Variants in TBC1D14 observed in about 807,000 individuals in gnomAD.
TBC1D14 encodes the protein TBC1 domain family, member 14.
Under a neutral mutation model 79.0 loss-of-function variants are expected in TBC1D14, and 26 were observed. That is an observed-to-expected ratio of 0.33 (90% CI 0.24 to 0.46). The LOEUF is 0.46. TBC1D14 is among the 20% of genes least tolerant of loss of function. The pLI, the probability that TBC1D14 is intolerant of heterozygous loss-of-function variation, is 1.00. For missense variants in TBC1D14, 769 were observed against 887.6 expected, an observed-to-expected ratio of 0.87 and a Z score of 1.70; for synonymous variants, 394 against 349.9, an observed-to-expected ratio of 1.13 and a Z score of -1.40.
At position 7,029,339 on chromosome 4, in the gene TBC1D14, G is replaced by A. The variant is rs186375880; in HGVS notation, c.2017-988G>A. ...AGCACTGTGTTACCAAGATTCTCTT[G>A]GTTTCACCCTTGGACTTTGAGCACG... On this transcript the variant is annotated intron_variant, in intron 13 of 13. Transcript: ENST00000409757. Among the ~76,000 whole-genome samples, 4 of 152,324 alleles carry A rather than the reference G, an allele frequency of 2.6e-5. No homozygotes were observed. In the East Asian group the frequency reaches 5.8e-4, roughly 22 times the overall value.
chr4:6,943,240 G>T (rs1713084440), intron 2 of TBC1D14, among the ~76,000 whole-genome samples: 1 of 152,174 alleles, frequency 6.6e-6, no homozygotes, highest in Non-Finnish European at 1.5e-5. Flanking sequence ...CTACCTGTGA[G>T]GGAAGCCAGG....
intron 3 of TBC1D14, among the ~76,000 whole-genome samples, chr4:6,977,951 GAC>G (rs1272532364): frequency 6.7e-6 from 1 of 149,844 alleles, no homozygotes; most frequent in Non-Finnish European, 1.5e-5. Context: ...GAAGTGAGGA[GAC>G]CCTCTGCCTG....
chr4:6,978,163 A>G (rs1476844850), intron 3 of TBC1D14, among the ~76,000 whole-genome samples: 4 of 145,002 alleles, frequency 2.8e-5, no homozygotes, highest in African/African-American at 1.1e-4. Flanking sequence ...CCGGGAGGTG[A>G]GGGGCGCCTC....
At chr4:6,985,137 A>G (rs1717710360) in intron 3 of TBC1D14, among the ~76,000 whole-genome samples, 1 of 152,242 alleles carries the variant, frequency 6.6e-6, no homozygotes, top group Non-Finnish European at 1.5e-5. Context: ...CAGTATTATG[A>G]CATCTTACTG....
intron 1 of TBC1D14, among the ~76,000 whole-genome samples, chr4:6,919,832 G>T (rs1248945374): frequency 1.3e-5 from 2 of 152,104 alleles, no homozygotes; most frequent in Admixed American, 6.5e-5. Flanking sequence ...TGTTGGTCAG[G>T]CTGGTCTCAA....
At chr4:6,932,330 G>A (rs181137084) in intron 2 of TBC1D14, among the ~76,000 whole-genome samples, 36 of 150,770 alleles carry the variant, frequency 2.4e-4, no homozygotes, top group East Asian at 1.8e-3. Context: ...CAAGATCGCC[G>A]CCACTGCACG....
At chr4:6,929,077 G>A (rs988528613) in intron 2 of TBC1D14, among the ~76,000 whole-genome samples, 2 of 152,196 alleles carry the variant, frequency 1.3e-5, no homozygotes, top group African/African-American at 4.8e-5. Flanking sequence ...GATGGCACCT[G>A]CTATGGACCT....
chr4:6,979,654 AT>A (rs1267661623), intron 3 of TBC1D14, among the ~76,000 whole-genome samples: 1 of 152,196 alleles, frequency 6.6e-6, no homozygotes, highest in African/African-American at 2.4e-5. Flanking sequence ...AACTATGTAT[AT>A]GTTGTCTGCA....
intron 1 of TBC1D14, among the ~76,000 whole-genome samples, chr4:6,912,852 G>C (rs567439663): frequency 6.6e-6 from 1 of 152,196 alleles, no homozygotes; most frequent in Non-Finnish European, 1.5e-5. Flanking sequence ...ACCAAGGCTC[G>C]GGGAAGTTAA....
At chr4:6,922,391 C>CT (rs1193144550) in intron 1 of TBC1D14, among the ~76,000 whole-genome samples, 2 of 152,298 alleles carry the variant, frequency 1.3e-5, no homozygotes, top group East Asian at 3.9e-4. Flanking sequence ...TAAACCAAGC[C>CT]TTTCTAACCT....
At chr4:7,003,962 C>T (rs1040936132) in intron 7 of TBC1D14, among the ~76,000 whole-genome samples, 6 of 152,138 alleles carry the variant, frequency 3.9e-5, no homozygotes, top group African/African-American at 7.2e-5. Flanking sequence ...GCCAAGATTG[C>T]GCCACTGCAC....
At chr4:7,027,803 T>C (rs552430861) in intron 13 of TBC1D14, among the ~76,000 whole-genome samples, 3 of 107,164 alleles carry the variant, frequency 2.8e-5, no homozygotes, top group Non-Finnish European at 5.4e-5. Context: ...CCCCTACACA[T>C]ATCACACACC....
In TBC1D14 at chr4:6,937,004, G is replaced by A. The variant is rs146670606; in HGVS notation, c.722+12893G>A. 9.4e-3 allele frequency among the ~76,000 whole-genome samples: 1,427 copies of A among 152,102 alleles called. 35 individuals carry two copies. Among genetic ancestry groups the A allele is most frequent in the African/African-American group, 0.032 (1,340 of 41,496 alleles). The stretch of plus-strand genomic sequence containing the variant: ...ACGATCTCGGCTCACCGCAACCTCC[G>A]CCTTCCGGGTTCAAGCGATTCTCCT... On this transcript the variant is annotated intron_variant, in intron 2 of 13. Coordinates refer to ENST00000409757, the MANE Select transcript of TBC1D14 (RefSeq NM_020773.3).
In TBC1D14 at chr4:7,015,751, G is replaced by A. The variant is rs571533003; in HGVS notation, c.1757+1194G>A. 5.3e-5 allele frequency among the ~76,000 whole-genome samples: 8 copies of A among 152,272 alleles called. No individual in the cohort carries two copies. In the East Asian group the frequency reaches 1.2e-3, roughly 22 times the overall value. On this transcript the variant is annotated intron_variant, in intron 12 of 13. Coordinates refer to ENST00000409757, the MANE Select transcript of TBC1D14 (RefSeq NM_020773.3). ...CCCAAACCCAGCTTCTCCCATTATT[G>A]CCTTGTGGTCTTGGGGAAGGCTGTG...
At chr4:7,008,275 A>G (rs949845123) in intron 9 of TBC1D14, among the ~76,000 whole-genome samples, 4 of 152,352 alleles carry the variant, frequency 2.6e-5, no homozygotes, top group South Asian at 4.1e-4. Context: ...TTTCATTCCA[A>G]TGTAGAGATC....
chr4:6,970,643 A>G (rs1716139010), intron 3 of TBC1D14, among the ~76,000 whole-genome samples: 1 of 152,252 alleles, frequency 6.6e-6, no homozygotes, highest in African/African-American at 2.4e-5. Flanking sequence ...ACCTACCTCA[A>G]GGAGCCTGTG....
rs1374920345 is a variant in TBC1D14 at position 7,030,539 on chromosome 4, AAC to A, written c.*151_*152del. 2.6e-6 allele frequency: 2 copies of A among 759,204 alleles called. No homozygotes were observed. Among genetic ancestry groups the A allele is most frequent in the African/African-American group, 3.5e-5 (2 of 56,720 alleles). 47.0% of individuals were successfully genotyped at this position (759,204 alleles called of 1,614,324 possible). ...ACTGGAGTTGGCCTTAAACAAAACA[AAC>A]ACAAAAACTTTTAAAGAATTAAACC... is the stretch of plus-strand genomic sequence containing the variant. On this transcript the variant is annotated 3_prime_UTR_variant, in exon 14 of 14. Transcript: ENST00000409757.
intron 6 of TBC1D14, among the ~76,000 whole-genome samples, chr4:7,000,180 G>A (rs908798326): frequency 6.6e-6 from 1 of 152,120 alleles, no homozygotes; most frequent in Non-Finnish European, 1.5e-5. Flanking sequence ...TAGTAACAAG[G>A]ACAGAGGTTC....
In TBC1D14 at chr4:6,967,397, C is replaced by G; in HGVS notation, c.816C>G (p.Ala272=). Residue 272 remains alanine, a synonymous_variant, in exon 3 of 14, where the codon GCC becomes GCG. Coordinates refer to ENST00000409757, the MANE Select transcript of TBC1D14 (RefSeq NM_020773.3). ...GGAAAGCGCCACTCCGAGAGAATGC[C>G]CAGAAGGATTCAAAGAGAATACAGA... ...LFGKAPLREN[A]QKDSKRIQKE... 1 of 1,613,562 alleles carries G rather than the reference C, an allele frequency of 6.2e-7. No individual in the cohort carries two copies. Among genetic ancestry groups the G allele is most frequent in the Non-Finnish European group, 8.5e-7 (1 of 1,179,888 alleles).
Sources: gnomAD v4.1 joint callset for allele counts (sites outside exome capture counted in the v4.1 genomes callset) on GRCh38, gnomAD v4.1.1 for gene constraint, MANE v1.5 for transcripts, NCBI Gene and HGNC (gene_info 2026-07-23, HGNC 2026-07-21) for gene names.